The following NCOR2 variants were observed in gnomAD, a reference collection of about 807,000 sequenced individuals.
NCOR2 encodes the protein CTG repeat protein 26.
Under a neutral mutation model 262.9 loss-of-function variants are expected in NCOR2, and 81 were observed. The ratio of observed to expected loss-of-function variants is 0.31; its 90% CI spans 0.26 to 0.37. The LOEUF (loss-of-function observed/expected upper bound fraction) is 0.37. Among genes scored for constraint, NCOR2 ranks in the 10% least tolerant of loss-of-function variants. NCOR2 has a pLI of 1.00. For synonymous variants in NCOR2, 1,659 were observed against 1,559.3 expected, an observed-to-expected ratio of 1.06 and a Z score of -1.51; for missense variants, 3,385 against 3,621.4, an observed-to-expected ratio of 0.93 and a Z score of 1.68.
rs377287070 is a variant in NCOR2 at position 124,328,213 on chromosome 12, G to A, written c.6959-580C>T. On this transcript the variant is annotated intron_variant, in intron 44 of 46. Transcript: ENST00000405201. ...CCCACCTCCACCTGTGTGATGGGAC[G>A]TGCAGCCCCGTACCTCCCCACCAAG... 7.7e-3 allele frequency among the ~76,000 whole-genome samples: 1,170 copies of A among 151,668 alleles called. 14 individuals are homozygous for A. Among genetic ancestry groups the A allele is most frequent in the African/African-American group, 0.026 (1,058 of 41,288 alleles).
At chr12:124,450,252 C>T (rs1007195296) in intron 6 of NCOR2, among the ~76,000 whole-genome samples, 5 of 152,224 alleles carry the variant, frequency 3.3e-5, no homozygotes, top group African/African-American at 9.6e-5. Context: ...CATGGAAACG[C>T]GCGTCCCAAC....
At chr12:124,455,043 C>T (rs758650069) in intron 6 of NCOR2, among the ~76,000 whole-genome samples, 36 of 152,152 alleles carry the variant, frequency 2.4e-4, no homozygotes, top group Non-Finnish European at 3.8e-4. Context: ...TGAGAGAAAC[C>T]AGACACAAAG....
chr12:124,512,394 T>C (rs2049441240), intron 1 of NCOR2, among the ~76,000 whole-genome samples: 1 of 152,232 alleles, frequency 6.6e-6, no homozygotes, highest in Non-Finnish European at 1.5e-5. Flanking sequence ...TTTGTCTTCC[T>C]GTAGTTCATG....
chr12:124,564,505 C>T (rs1003727374), intron 1 of NCOR2, among the ~76,000 whole-genome samples: 1 of 151,888 alleles, frequency 6.6e-6, no homozygotes, highest in Non-Finnish European at 1.5e-5. Context: ...CAAATAAAAG[C>T]TCTCAACCCC....
intron 10 of NCOR2, among the ~76,000 whole-genome samples, chr12:124,428,091 A>AGTGTGTGTG (rs1555221817): frequency 1.1e-4 from 3 of 27,458 alleles, no homozygotes; most frequent in Non-Finnish European, 4.4e-4. Context: ...GTGTGTGTAC[A>AGTGTGTGTG]TGCAACAATC....
chr12:124,353,522 G>T (rs937978253), intron 27 of NCOR2, among the ~76,000 whole-genome samples: 1 of 152,238 alleles, frequency 6.6e-6, no homozygotes, highest in Non-Finnish European at 1.5e-5. Flanking sequence ...ACGTGTGCAA[G>T]TGTGTGGACC....
chr12:124,326,038 C>G lies in NCOR2; in HGVS notation c.7363+153G>C, dbSNP rs532093860. ...ATCCTGATGGTTCGTGAGCCAGGCT[C>G]AGCTGCCCAGGCCCCTGGACAGCGT... On this transcript the variant is annotated intron_variant, in intron 46 of 46. Transcript: ENST00000405201. The G allele has an allele frequency of 6.9e-5, 57 of 825,094 alleles. No individual in the cohort carries two copies. The South Asian group carries it at 1.4e-3, about 20-fold the overall frequency. 51.1% of individuals were successfully genotyped at this position (825,094 alleles called of 1,614,324 possible).
rs57877065 is a variant in NCOR2 at position 124,531,711 on chromosome 12, C to T, written c.-118+3854G>A. 0.042 allele frequency among the ~76,000 whole-genome samples: 6,358 copies of T among 152,030 alleles called. 285 individuals carry two copies. The highest frequency in any genetic ancestry group is 0.11 in the African/African-American group (4,586 of 41,422). On this transcript the variant is annotated intron_variant, in intron 1 of 46. Transcript: ENST00000404621. The surrounding 1 kb of genome is among the most constrained non-coding windows in gnomAD (Gnocchi z 4.5). Reference sequence around the variant, plus strand: ...GGGCCCCGTCCAACTGGGGTTAAAGCCGGTCCTCCCAGAGCCCCCGAGAGG... The same window carrying T: ...GGGCCCCGTCCAACTGGGGTTAAAGTCGGTCCTCCCAGAGCCCCCGAGAGG...
chr12:124,422,350 G>C lies in NCOR2; in HGVS notation c.1383+151C>G, dbSNP rs1004946055. On this transcript the variant is annotated intron_variant, in intron 12 of 46. Coordinates refer to ENST00000405201, the Ensembl canonical transcript of NCOR2. Reference sequence around the variant, plus strand: ...TGATCTATCTCCCAGATGGAAGGAAGGGAGGGAGGGAGGAGGGGAGCATGG... The same window carrying C: ...TGATCTATCTCCCAGATGGAAGGAACGGAGGGAGGGAGGAGGGGAGCATGG... The C allele has an allele frequency of 1.1e-5, 9 of 848,634 alleles. No homozygotes were observed. In the African/African-American group the frequency reaches 1.5e-4, roughly 14 times the overall value. 52.6% of individuals were successfully genotyped at this position (848,634 alleles called of 1,614,324 possible). A position where few individuals can be genotyped will look rare whatever the true frequency, so the allele number is the denominator to read the frequency against.
At chr12:124,491,112 T>C (rs1366650144) in intron 1 of NCOR2, among the ~76,000 whole-genome samples, 3 of 152,184 alleles carry the variant, frequency 2.0e-5, no homozygotes, top group Admixed American at 2.0e-4. Flanking sequence ...TTTCACACCA[T>C]ACGGGCCGCG....
At chr12:124,325,804 A>G (rs898482702) in intron 46 of NCOR2, among the ~76,000 whole-genome samples, 4 of 152,108 alleles carry the variant, frequency 2.6e-5, no homozygotes, top group African/African-American at 9.7e-5. Context: ...CCTGGACTAT[A>G]GCAGTAGCCT....
chr12:124,367,921 A>G (rs747579155), intron 20 of NCOR2, among the ~76,000 whole-genome samples: 2 of 152,242 alleles, frequency 1.3e-5, no homozygotes, highest in Non-Finnish European at 2.9e-5. Flanking sequence ...GGCATGAGCC[A>G]CCGCGACCGG....
intron 13 of NCOR2, among the ~76,000 whole-genome samples, chr12:124,417,260 A>ACAGCAGGCCG (rs2042956336): frequency 1.3e-5 from 2 of 152,036 alleles, no homozygotes; most frequent in African/African-American, 2.4e-5. Context: ...CACTCCACGG[A>ACAGCAGGCCG]GAGCAGGCCG....
rs370685396 is a variant in NCOR2 at position 124,332,337 on chromosome 12, G to A, written c.6886C>T (p.Arg2296Trp). 6.2e-5 allele frequency: 100 copies of A among 1,614,040 alleles called. No homozygotes were observed. Among genetic ancestry groups the A allele is most frequent in the South Asian group, 7.7e-5 (7 of 91,084 alleles). Residue 2296 changes from arginine (R) to tryptophan (W), a missense_variant, in exon 43 of 47, where the codon CGG (arginine) becomes TGG (tryptophan). Physicochemically the swap from Arg to Trp is moderately radical, Grantham distance 101 (BLOSUM62 -3). Coordinates refer to ENST00000405201, the Ensembl canonical transcript of NCOR2. The stretch of plus-strand genomic sequence containing the variant: ...CCCTTACTGTATTCAGGCTCATTCC[G>A]GTTGTGGGTGTTCAGCTTCTTGTTG...
chr12:124,508,228 T>C (rs548810152), intron 1 of NCOR2, among the ~76,000 whole-genome samples: 1 of 152,348 alleles, frequency 6.6e-6, no homozygotes, highest in African/African-American at 2.4e-5. Flanking sequence ...GAATCCACTT[T>C]ACGTCAGCTC....
At position 124,334,329 on chromosome 12, in the gene NCOR2, A is replaced by G. The variant is rs2035681954; in HGVS notation, c.6605+95T>C. On this transcript the variant is annotated intron_variant, in intron 41 of 46. Coordinates refer to ENST00000405201, the Ensembl canonical transcript of NCOR2. ...TGTGCAATGGCACCAGGCGGGCCTC[A>G]TATGCAGCTGAGCTCAGACCCAGCT... 2.2e-5 allele frequency: 20 copies of G among 902,456 alleles called. No individual in the cohort carries two copies. In the South Asian group the frequency reaches 3.4e-4, roughly 15 times the overall value. 55.9% of individuals were successfully genotyped at this position (902,456 alleles called of 1,614,324 possible).
At chr12:124,405,777 C>A (rs1375319481) in intron 13 of NCOR2, among the ~76,000 whole-genome samples, 1 of 152,178 alleles carries the variant, frequency 6.6e-6, no homozygotes, top group Non-Finnish European at 1.5e-5. Context: ...GCAGCCGGCT[C>A]AGCCCCCAAA....
Position 124,554,455 on chromosome 12 carries a change from G to A in NCOR2, c.-165+12853C>T, listed in dbSNP as rs2051818840. On this transcript the variant is annotated intron_variant, in intron 1 of 32. Transcript: ENST00000458234. Reference sequence around the variant, plus strand: ...GCTCCCCTCCCCAGGTTCCCTCGGTGCCCCCTCCCACTCAACTCCCCTCTC... The same window carrying A: ...GCTCCCCTCCCCAGGTTCCCTCGGTACCCCCTCCCACTCAACTCCCCTCTC... Among the ~76,000 whole-genome samples the A allele has an allele frequency of 2.6e-5, 4 of 152,074 alleles. No individual in the cohort carries two copies. In the South Asian group the frequency reaches 8.3e-4, roughly 32 times the overall value.
chr12:124,347,205 C>CA (rs569113513), intron 30 of NCOR2, among the ~76,000 whole-genome samples: 235 of 152,090 alleles, frequency 1.5e-3, no homozygotes, highest in African/African-American at 5.4e-3. Flanking sequence ...CCCACCTCTA[C>CA]AAAAATACAA....
Sources: gnomAD v4.1 joint callset for allele counts (sites outside exome capture counted in the v4.1 genomes callset) on GRCh38, gnomAD v4.1.1 for gene constraint, Gnocchi (gnomAD v3.1) non-coding constraint, MANE v1.5 for transcripts, NCBI Gene and HGNC (gene_info 2026-07-23, HGNC 2026-07-21) for gene names.